DAB1: variants seen among roughly 807,000 people sequenced by gnomAD.
DAB1 encodes the protein disabled homolog 1.
DAB1 carries 15 observed loss-of-function variants against 64.6 expected under a neutral mutation model. The observed-to-expected ratio is 0.23, with a 90% CI of 0.16 to 0.36. The LOEUF (loss-of-function observed/expected upper bound fraction) is 0.36. DAB1 is among the 10% of genes least tolerant of loss of function. The pLI, the probability that DAB1 is intolerant of heterozygous loss-of-function variation, is 1.00. For missense variants in DAB1, 596 were observed against 706.7 expected (o/e 0.84, Z 1.78); for synonymous variants, 235 against 251.9 (o/e 0.93, Z 0.64).
intron 1 of DAB1, among the ~76,000 whole-genome samples, chr1:57,338,181 T>C (rs1352646833): frequency 1.3e-5 from 2 of 152,086 alleles, no homozygotes; most frequent in Non-Finnish European, 2.9e-5. Flanking sequence ...GATGAGGTTT[T>C]GCCGTGTTGC....
At chr1:57,226,672 A>AAAATAAATATATATATAT (rs747021990) in intron 2 of DAB1, among the ~76,000 whole-genome samples, 1 of 136,016 alleles carries the variant, frequency 7.4e-6, no homozygotes, top group African/African-American at 3.1e-5. Flanking sequence ...TTAAAAAAAA[A>AAAATAAATATATATATAT]ATATATATAT....
At chr1:57,146,071 A>G (rs1659096546) in intron 2 of DAB1, among the ~76,000 whole-genome samples, 1 of 152,216 alleles carries the variant, frequency 6.6e-6, no homozygotes, top group Non-Finnish European at 1.5e-5. Context: ...TTATTAAGAT[A>G]ATATTTTGCT....
At chr1:57,585,912 G>C (rs1414484226) in intron 7 of DAB1, among the ~76,000 whole-genome samples, 2 of 152,154 alleles carry the variant, frequency 1.3e-5, no homozygotes. Flanking sequence ...TCCATTCTTT[G>C]AACCAGCTGT....
intron 2 of DAB1, among the ~76,000 whole-genome samples, chr1:57,163,002 C>T (rs1313803774): frequency 6.6e-6 from 1 of 152,322 alleles, no homozygotes; most frequent in South Asian, 2.1e-4. Flanking sequence ...GGGCACAGGC[C>T]TCAGCCCTGA....
intron 5 of DAB1, among the ~76,000 whole-genome samples, chr1:57,981,221 AT>A (rs1198316309): frequency 3.4e-4 from 52 of 152,228 alleles, no homozygotes; most frequent in African/African-American, 1.2e-3. Context: ...TAGGCTTACC[AT>A]GAGGATTGAA....
intron 4 of DAB1, among the ~76,000 whole-genome samples, chr1:58,262,146 C>T (rs772299649): frequency 6.6e-6 from 1 of 152,104 alleles, no homozygotes; most frequent in Non-Finnish European, 1.5e-5. Flanking sequence ...TAGAAATAGA[C>T]TAAAACGCAG....
chr1:57,463,955 C>T (rs1686873239), intron 7 of DAB1, among the ~76,000 whole-genome samples: 1 of 152,090 alleles, frequency 6.6e-6, no homozygotes, highest in African/African-American at 2.4e-5. Flanking sequence ...TTCTTGTGTA[C>T]AACATAGGCT....
chr1:57,973,305 G>T (rs2764692), intron 5 of DAB1, among the ~76,000 whole-genome samples: 17 of 152,168 alleles, frequency 1.1e-4, no homozygotes, highest in Non-Finnish European at 2.5e-4. Flanking sequence ...CCCCTAGAGC[G>T]TTCAGAGGCA....
At chr1:57,084,181 T>C (rs1488441621) in intron 4 of DAB1, among the ~76,000 whole-genome samples, 1 of 152,158 alleles carries the variant, frequency 6.6e-6, no homozygotes, top group Non-Finnish European at 1.5e-5. Flanking sequence ...TCATACAGGG[T>C]GGCCCACTGA....
At chr1:58,302,940 A>G (rs1304107280) in intron 4 of DAB1, among the ~76,000 whole-genome samples, 1 of 152,094 alleles carries the variant, frequency 6.6e-6, no homozygotes, top group African/African-American at 2.4e-5. Flanking sequence ...TATGCCAAGT[A>G]TGTTGTCTGT....
chr1:57,667,116 T>A (rs1294798936), intron 6 of DAB1, among the ~76,000 whole-genome samples: 1 of 152,174 alleles, frequency 6.6e-6, no homozygotes, highest in Non-Finnish European at 1.5e-5. Flanking sequence ...AGTTTTTGCA[T>A]TGGGTATTCC....
At chr1:57,259,385 T>C (rs1321577194) in intron 2 of DAB1, among the ~76,000 whole-genome samples, 1 of 152,158 alleles carries the variant, frequency 6.6e-6, no homozygotes, top group Non-Finnish European at 1.5e-5. Context: ...GGAGGACAGT[T>C]CTGTAATTCA....
intron 7 of DAB1, among the ~76,000 whole-genome samples, chr1:57,462,091 G>T (rs1686803936): frequency 6.6e-6 from 1 of 151,600 alleles, no homozygotes; most frequent in Admixed American, 6.6e-5. Flanking sequence ...GTAGCTGGGA[G>T]GTGCCTGCCA....
chr1:58,342,856 T>A (rs1217040414), intron 4 of DAB1, among the ~76,000 whole-genome samples: 1 of 152,148 alleles, frequency 6.6e-6, no homozygotes, highest in African/African-American at 2.4e-5. Context: ...TTTGTAACTC[T>A]CTCTTAAATG....
At chr1:58,417,486 T>C (rs1202991572) in intron 3 of DAB1, among the ~76,000 whole-genome samples, 1 of 152,196 alleles carries the variant, frequency 6.6e-6, no homozygotes, top group African/African-American at 2.4e-5. Context: ...GGTTGGAGGA[T>C]GGGAGGGCAT....
chr1:58,509,340 T>A (rs1646036983), intron 2 of DAB1, among the ~76,000 whole-genome samples: 1 of 149,140 alleles, frequency 6.7e-6, no homozygotes. Flanking sequence ...ACAGAAAATG[T>A]AAAAAAGTAC....
At chr1:57,580,862 G>A (rs1286754539) in intron 7 of DAB1, among the ~76,000 whole-genome samples, 1 of 152,206 alleles carries the variant, frequency 6.6e-6, no homozygotes, top group Non-Finnish European at 1.5e-5. Context: ...GAGGTGAACA[G>A]ACTTGCCCAT....
intron 4 of DAB1, among the ~76,000 whole-genome samples, chr1:57,132,896 A>G (rs1187886637): frequency 6.6e-6 from 1 of 152,142 alleles, no homozygotes; most frequent in African/African-American, 2.4e-5. Flanking sequence ...ATATAGATAA[A>G]AGCATCAAAT....
intron 6 of DAB1, among the ~76,000 whole-genome samples, chr1:57,791,643 A>G (rs1490835284): frequency 6.6e-6 from 1 of 152,124 alleles, no homozygotes; most frequent in African/African-American, 2.4e-5. Flanking sequence ...AGCACCTATC[A>G]CAGTGCCCAG....
Sources: allele counts gnomAD v4.1 joint callset (sites outside exome capture counted in the v4.1 genomes callset), GRCh38; gene constraint gnomAD v4.1.1; transcripts MANE v1.5; gene names NCBI Gene and HGNC (gene_info 2026-07-23, HGNC 2026-07-21).